Variants in EXTL3 observed in about 807,000 individuals in gnomAD.
EXTL3 encodes exostosin like glycosyltransferase 3, also known as exostosin-like 3.
In EXTL3, 27 loss-of-function variants were observed where a neutral mutation model predicts 69.3. The ratio of observed to expected loss-of-function variants is 0.39; its 90% CI spans 0.29 to 0.54. EXTL3 has a LOEUF of 0.54. EXTL3 is among the 20% of genes least tolerant of loss of function. The pLI is 0.69. For missense variants in EXTL3, 1,003 were observed against 1,231.8 expected (o/e 0.81, Z 2.78); for synonymous variants, 511 against 499.4 (o/e 1.02, Z -0.31).
upstream of EXTL3, chr8:28,701,275 G>T (rs777791026): frequency 6.6e-6 from 1 of 152,086 alleles, no homozygotes; most frequent in Non-Finnish European, 1.5e-5. Context: ...GCCTTTGCAG[G>T]ACGCGAGTTG....
chr8:28,615,291 T>A lies in EXTL3; in HGVS notation n.314+7533T>A, dbSNP rs376498565. Among the ~76,000 whole-genome samples, 222 of 152,344 alleles carry A rather than the reference T, an allele frequency of 1.5e-3. 1 individual carries two copies. The highest frequency in any genetic ancestry group is 5.1e-3 in the African/African-American group (212 of 41,586). On this transcript the variant is annotated intron_variant and non_coding_transcript_variant, in intron 2 of 4. Transcript: ENST00000522725. ...GATTGATGGTGCTGTTGAATTCAGC[T>A]GTATCTTTACTGATTTTCTGCCTGC...
Position 28,750,628 on chromosome 8 carries a change from C to T in EXTL3, c.2551-29C>T. On this transcript the variant is annotated intron_variant, in intron 6 of 6. Transcript: ENST00000220562. This position sits in a 1 kb window ranked among gnomAD's most constrained non-coding sequence, Gnocchi z 5.2. ...GGTTCTGTCAGTATTAGCTGGGATT[C>T]CCACTCTGTCTCTCTCTCCCGTTTC... 1 of 1,583,376 alleles carries T rather than the reference C, an allele frequency of 6.3e-7. No homozygotes were observed. The highest frequency in any genetic ancestry group is 1.1e-5 in the South Asian group (1 of 90,416).
chr8:28,669,010 T>C (rs1429843403), intron 1 of EXTL3, among the ~76,000 whole-genome samples: 1 of 151,756 alleles, frequency 6.6e-6, no homozygotes, highest in Non-Finnish European at 1.5e-5. Flanking sequence ...ACTACAGGTG[T>C]GTGCCACCAT....
chr8:28,720,735 C>T (rs774152467), intron 3 of EXTL3, among the ~76,000 whole-genome samples: 3 of 152,050 alleles, frequency 2.0e-5, no homozygotes, highest in Non-Finnish European at 2.9e-5. Flanking sequence ...GTGGGTCTCC[C>T]GTTGAATGGG....
intron 2 of EXTL3, among the ~76,000 whole-genome samples, chr8:28,616,117 A>T (rs1203778501): frequency 6.6e-6 from 1 of 152,172 alleles, no homozygotes; most frequent in Non-Finnish European, 1.5e-5. Context: ...ATTATTGTGA[A>T]AAATGTAATG....
At position 28,715,649 on chromosome 8, in the gene EXTL3, A is replaced by G. The variant is rs116152989; in HGVS notation, c.-411A>G. The G allele has an allele frequency of 6.1e-3, 1,288 of 209,586 alleles. 21 individuals carry two copies. Among genetic ancestry groups the G allele is most frequent in the African/African-American group, 0.028 (1,236 of 43,384 alleles). 13.0% of individuals were successfully genotyped at this position (209,586 alleles called of 1,614,324 possible). ...TATTTCTGTTCTAACCTATTACTGT[A>G]TAACTGTGAATAGACACTATGCATA... On this transcript the variant is annotated 5_prime_UTR_variant, in exon 3 of 7. Coordinates refer to ENST00000220562, the MANE Select transcript of EXTL3 (RefSeq NM_001440.4).
At chr8:28,707,837 G>C (rs1052207252) in intron 1 of EXTL3, among the ~76,000 whole-genome samples, 1 of 152,178 alleles carries the variant, frequency 6.6e-6, no homozygotes, top group African/African-American at 2.4e-5. Context: ...GGACATTAGC[G>C]AACTGGTGGG....
chr8:28,617,882 C>T (rs1806348637), upstream of EXTL3, among the ~76,000 whole-genome samples: 2 of 152,106 alleles, frequency 1.3e-5, no homozygotes, highest in South Asian at 4.1e-4. Context: ...CTGAAAGAAG[C>T]CAGACACAAA....
At position 28,715,999 on chromosome 8, in the gene EXTL3, A is replaced by C; in HGVS notation, c.-61A>C. ...TGAAACAGAGATCGTTTTGTGGAATAGCAACCCATGGTTATGGCGAGTGAC... is the reference window on the plus strand; with the variant it reads ...TGAAACAGAGATCGTTTTGTGGAATCGCAACCCATGGTTATGGCGAGTGAC... On this transcript the variant is annotated 5_prime_UTR_variant, in exon 3 of 7. Coordinates refer to ENST00000220562, the MANE Select transcript of EXTL3 (RefSeq NM_001440.4). The C allele has an allele frequency of 7.2e-7, 1 of 1,387,392 alleles. No homozygotes were observed. Among genetic ancestry groups the C allele is most frequent in the East Asian group, 2.3e-5 (1 of 43,536 alleles). 85.9% of individuals were successfully genotyped at this position (1,387,392 alleles called of 1,614,324 possible).
intron 1 of EXTL3, among the ~76,000 whole-genome samples, chr8:28,639,728 T>C (rs1029441102): frequency 2.6e-5 from 4 of 152,238 alleles, no homozygotes; most frequent in African/African-American, 9.6e-5. Flanking sequence ...CAGCCTTTCA[T>C]ACTGAAGTAT....
intron 1 of EXTL3, among the ~76,000 whole-genome samples, chr8:28,650,842 C>A (rs1032951137): frequency 6.6e-6 from 1 of 151,972 alleles, no homozygotes; most frequent in Non-Finnish European, 1.5e-5. Context: ...CTTGATATCT[C>A]GTAGGGATAA....
intron 1 of EXTL3, among the ~76,000 whole-genome samples, chr8:28,626,662 A>G (rs1806496185): frequency 6.6e-6 from 1 of 152,178 alleles, no homozygotes; most frequent in Admixed American, 6.5e-5. Context: ...TAAGTTGAGT[A>G]TTATTAGCCC....
chr8:28,668,466 G>T (rs1775388792), intron 1 of EXTL3, among the ~76,000 whole-genome samples: 1 of 151,296 alleles, frequency 6.6e-6, no homozygotes, highest in Non-Finnish European at 1.5e-5. Context: ...CCAGTAGCTG[G>T]GATTACAGCC....
chr8:28,742,040 A>C (rs530074367), intron 5 of EXTL3: 1 of 152,324 alleles, frequency 6.6e-6, no homozygotes, highest in South Asian at 2.1e-4. Flanking sequence ...TATGGTATAA[A>C]TACTCTTACC....
Position 28,664,200 on chromosome 8 carries a change from C to T in EXTL3, c.-53+41390C>T, listed in dbSNP as rs146416781. Among the ~76,000 whole-genome samples the T allele has an allele frequency of 4.1e-4, 62 of 152,242 alleles. 1 individual carries two copies. The highest frequency in any genetic ancestry group is 3.9e-3 in the East Asian group (20 of 5,184). On this transcript the variant is annotated intron_variant, in intron 1 of 6. Transcript: ENST00000523149. ...CAGCAGGCTGGGTGGCTTCAACAGC[C>T]GGCATTTATTTTCTCACCATTCTGG...
chr8:28,619,277 A>T (rs1253700716), upstream of EXTL3, among the ~76,000 whole-genome samples: 17 of 17,744 alleles, frequency 9.6e-4, no homozygotes, highest in African/African-American at 4.9e-3. Flanking sequence ...AAAAAAAAAA[A>T]AAAAAAAAAA....
chr8:28,620,233 A>C (rs1258014928), upstream of EXTL3, among the ~76,000 whole-genome samples: 1 of 152,100 alleles, frequency 6.6e-6, no homozygotes, highest in East Asian at 1.9e-4. Context: ...AGTGCCAGGC[A>C]GGGCTTCATT....
At chr8:28,700,995 T>C (rs1284638219), upstream of EXTL3, 1 of 152,292 alleles carries the variant, frequency 6.6e-6, no homozygotes, top group Non-Finnish European at 1.5e-5. Context: ...GCCCCAGGAT[T>C]TTCCTAAGCG....
chr8:28,635,421 G>C (rs1164616221), intron 1 of EXTL3, among the ~76,000 whole-genome samples: 1 of 148,292 alleles, frequency 6.7e-6, no homozygotes, highest in Non-Finnish European at 1.5e-5. Context: ...AAAAAAATTG[G>C]CCGAGCGCAG....
Sources: allele counts gnomAD v4.1 joint callset (sites outside exome capture counted in the v4.1 genomes callset), GRCh38; gene constraint gnomAD v4.1.1; non-coding constraint Gnocchi (gnomAD v3.1); transcripts MANE v1.5; gene names NCBI Gene and HGNC (gene_info 2026-07-23, HGNC 2026-07-21).